SYNE2: variants seen among roughly 807,000 people sequenced by gnomAD.
SYNE2 encodes the protein nesprin-2.
Under a neutral mutation model 856.3 loss-of-function variants are expected in SYNE2, and 431 were observed. The observed-to-expected ratio is 0.50, with a 90% CI of 0.47 to 0.55. SYNE2 has a LOEUF of 0.55. Among genes scored for constraint, SYNE2 ranks in the 20% least tolerant of loss-of-function variants. SYNE2 has a pLI of 0.00. For synonymous variants in SYNE2, 2,923 were observed against 2,872.3 expected (o/e 1.02, Z -0.56); for missense variants, 8,129 against 8,023.2 (o/e 1.01, Z -0.50).
intron 1 of SYNE2, among the ~76,000 whole-genome samples, chr14:63,793,412 T>C (rs911127542): frequency 1.3e-5 from 2 of 152,168 alleles, no homozygotes; most frequent in Non-Finnish European, 2.9e-5. Context: ...AAGGTGCACC[T>C]CAAAAGAGCA....
chr14:64,026,534 T>G, intron 41 of SYNE2, 45 bp from the exon 42 acceptor site: 1 of 1,484,332 alleles, frequency 6.7e-7, no homozygotes, highest in Non-Finnish European at 9.4e-7. Flanking sequence ...GTAGTATCTC[T>G]AAGTAATGCA....
Position 64,053,044 on chromosome 14 carries a change from A to C in SYNE2, c.9131A>C (p.Glu3044Ala). 1 of 1,614,032 alleles carries C rather than the reference A, an allele frequency of 6.2e-7. No homozygotes were observed. Among genetic ancestry groups the C allele is most frequent in the Non-Finnish European group, 8.5e-7 (1 of 1,180,004 alleles). Residue 3044 changes from glutamate to alanine, a missense_variant, in exon 48 of 116, where the codon GAA becomes GCA. Glu to Ala is a moderately radical substitution (Grantham distance 107, BLOSUM62 -1). Around this residue, in one of 3 missense-constraint regions of SYNE2, gnomAD observed 5,410 missense variants for 5,284.8 expected, o/e 1.02. Coordinates refer to ENST00000555002, the MANE Select transcript of SYNE2 (RefSeq NM_182914.3). ...AAGCAGTTGGACACATTTGAGGAAG[A>C]ACATGGCAAATATCAGGCATTATTA... is the stretch of plus-strand genomic sequence containing the variant. ...KIKQLDTFEE[E>A]HGKYQALLSK... is the part of the protein sequence containing the mutation.
At chr14:63,937,490 C>G (rs2095848187) in intron 2 of SYNE2, among the ~76,000 whole-genome samples, 1 of 152,180 alleles carries the variant, frequency 6.6e-6, no homozygotes, top group Non-Finnish European at 1.5e-5. Flanking sequence ...GCTAGTTCAT[C>G]TGTGCTGATA....
chr14:64,051,804 C>G lies in SYNE2; in HGVS notation c.7891C>G (p.Leu2631Val). ...AGTGGAATATGATGAATTTACAACC[C>G]TCATGAATAAGGTACAGGACACTGA... ...QVVEYDEFTT[L>V]MNKVQDTEIS... The change falls in exon 48 of 116, where the codon CTC (leucine) becomes GTC (valine). Residue 2631 changes from leucine to valine, a missense_variant. Coordinates refer to ENST00000555002, the MANE Select transcript of SYNE2 (RefSeq NM_182914.3). 1 of 1,614,060 alleles carries G rather than the reference C, an allele frequency of 6.2e-7. No homozygotes were observed. Among genetic ancestry groups the G allele is most frequent in the Non-Finnish European group, 8.5e-7 (1 of 1,180,008 alleles).
At chr14:63,864,240 A>G (rs375630441) in intron 1 of SYNE2, 2 of 152,184 alleles carry the variant, frequency 1.3e-5, no homozygotes, top group East Asian at 3.8e-4. Context: ...CTCTGTTAAT[A>G]CGTCTTTGTT....
chr14:64,126,655 CT>C lies in SYNE2; in HGVS notation c.13769del (p.Leu4590Ter). 3 of 1,614,210 alleles carry C rather than the reference CT, an allele frequency of 1.9e-6. No individual in the cohort carries two copies. Among genetic ancestry groups the C allele is most frequent in the Non-Finnish European group, 2.5e-6 (3 of 1,180,040 alleles). ...YLALSDKKGD[L>X]LKAMTWPGEN... ...AGCGCTAAGTGACAAGAAGGGTGATCTTTTGAAAGCCATGACTTGGCCTGGC... is the reference window on the plus strand; with the variant it reads ...AGCGCTAAGTGACAAGAAGGGTGATCTTTGAAAGCCATGACTTGGCCTGGC... On this transcript the variant is annotated frameshift_variant, in exon 73 of 116. Transcript: ENST00000555002. LOFTEE classifies it high-confidence loss of function.
intron 1 of SYNE2, among the ~76,000 whole-genome samples, chr14:63,866,438 A>T (rs1895339900): frequency 2.0e-5 from 3 of 152,160 alleles, no homozygotes; most frequent in Admixed American, 2.0e-4. Context: ...AAAGGTGGGA[A>T]AATCGCTTGA....
intron 11 of SYNE2, among the ~76,000 whole-genome samples, chr14:63,972,725 G>A (rs906435401): frequency 6.6e-6 from 1 of 152,116 alleles, no homozygotes; most frequent in Non-Finnish European, 1.5e-5. Context: ...TCTGTTCTTC[G>A]TCTTCTGCCT....
At chr14:64,013,666 T>A (rs753721888) in intron 32 of SYNE2, among the ~76,000 whole-genome samples, 4 of 152,186 alleles carry the variant, frequency 2.6e-5, no homozygotes, top group Non-Finnish European at 5.9e-5. Flanking sequence ...CAGTGCAGAG[T>A]TCTGAACCAG....
chr14:63,938,952 A>C (rs1432759340), intron 2 of SYNE2, among the ~76,000 whole-genome samples: 1 of 152,018 alleles, frequency 6.6e-6, no homozygotes, highest in Non-Finnish European at 1.5e-5. Context: ...GCGTGTGTGC[A>C]TGTGTGCGCT....
chr14:63,807,428 G>T (rs1046538184), intron 1 of SYNE2, among the ~76,000 whole-genome samples: 1 of 151,816 alleles, frequency 6.6e-6, no homozygotes, highest in South Asian at 2.1e-4. Context: ...GACAAAAACT[G>T]AATACGTTAT....
intron 1 of SYNE2, among the ~76,000 whole-genome samples, chr14:63,880,200 C>T (rs954479636): frequency 6.6e-6 from 1 of 152,122 alleles, no homozygotes; most frequent in African/African-American, 2.4e-5. Context: ...AGGTGAGTCT[C>T]CTGCCTCAGC....
intron 47 of SYNE2, among the ~76,000 whole-genome samples, chr14:64,051,162 A>G (rs117341395): frequency 0.012 from 1,756 of 152,310 alleles, 21 homozygotes; most frequent in Non-Finnish European, 0.018. Flanking sequence ...AAAAGATGAC[A>G]AGGGGGTTGG....
intron 65 of SYNE2, among the ~76,000 whole-genome samples, chr14:64,110,588 A>ACACC (rs1292783339): frequency 2.7e-5 from 2 of 75,390 alleles, no homozygotes; most frequent in Admixed American, 1.6e-4. Flanking sequence ...TACTTTTTAC[A>ACACC]CCCCCCCCCC....
rs770267414 is a variant in SYNE2 at position 64,143,922 on chromosome 14, C to A, written c.15457C>A (p.Arg5153Ser). ...GGGGGAGATGAACCGCCAGTGGCAC[C>A]GTGTACATGGAATGCTGAATAGAAA... ...HLGEMNRQWH[R>S]VHGMLNRKIQ... Residue 5153 changes from arginine (R) to serine (S), a missense_variant, in exon 83 of 116, where the codon CGT becomes AGT. Arg to Ser is a moderately radical substitution (Grantham distance 110, BLOSUM62 -1). Coordinates refer to ENST00000555002, the MANE Select transcript of SYNE2 (RefSeq NM_182914.3). The A allele has an allele frequency of 1.9e-6, 3 of 1,614,102 alleles. No individual in the cohort carries two copies. Among genetic ancestry groups the A allele is most frequent in the Non-Finnish European group, 2.5e-6 (3 of 1,180,006 alleles).
intron 1 of SYNE2, among the ~76,000 whole-genome samples, chr14:63,871,227 C>G (rs1157484496): frequency 6.8e-6 from 1 of 146,974 alleles, no homozygotes; most frequent in Non-Finnish European, 1.5e-5. Context: ...TTTTTTGAGA[C>G]AGAGTTTCAC....
intron 38 of SYNE2, 26 bp from the exon 39 acceptor site, chr14:64,024,231 G>A: frequency 2.5e-6 from 4 of 1,611,046 alleles, no homozygotes; most frequent in South Asian, 1.1e-5. Context: ...CCAGGAGATT[G>A]TAATGGACTT....
Position 64,087,560 on chromosome 14 carries a change from A to G in SYNE2, c.11485-111A>G, listed in dbSNP as rs1309790996. The stretch of plus-strand genomic sequence containing the variant: ...TGTTTTCATTATCGAACTAGAAATG[A>G]CTAGTTTAAAATGTTGAGATAACTT... On this transcript the variant is annotated intron_variant, in intron 57 of 115. Transcript: ENST00000555002. The G allele has an allele frequency of 2.6e-6, 3 of 1,133,014 alleles. No homozygotes were observed. In the East Asian group the frequency reaches 7.1e-5, roughly 27 times the overall value. The allele number at this position is 1,133,014 out of a possible 1,614,324, so 70.2% of individuals were successfully genotyped here. A position where few individuals can be genotyped will look rare whatever the true frequency, so the allele number is the denominator to read the frequency against.
Position 64,137,852 on chromosome 14 carries a change from G to T in SYNE2, c.14712G>T (p.Gln4904His). 1 of 1,614,210 alleles carries T rather than the reference G, an allele frequency of 6.2e-7. No homozygotes were observed. The highest frequency in any genetic ancestry group is 8.5e-7 in the Non-Finnish European group (1 of 1,180,038). The change falls in exon 79 of 116, where the codon CAG (glutamine) becomes CAT (histidine). Residue 4904 changes from glutamine (Q) to histidine (H), a missense_variant. Transcript: ENST00000555002. ...RLYQTLNEGK[Q>H]LVASVSCPEL... is the part of the protein sequence containing the mutation. ...ACCAAACTCTGAACGAAGGCAAACAGTTGGTGGCGTCTGTGAGCTGTCCTG... is the reference window on the plus strand; with the variant it reads ...ACCAAACTCTGAACGAAGGCAAACATTTGGTGGCGTCTGTGAGCTGTCCTG...
Sources: gnomAD v4.1 joint callset for allele counts (sites outside exome capture counted in the v4.1 genomes callset) on GRCh38, gnomAD v4.1.1 for gene constraint, gnomAD v4.1.1 regional missense constraint, MANE v1.5 for transcripts, NCBI Gene and HGNC (gene_info 2026-07-23, HGNC 2026-07-21) for gene names.